Variants in LRRC7 observed in about 807,000 individuals in gnomAD.
LRRC7 encodes leucine-rich repeat-containing protein 7.
In LRRC7, 23 loss-of-function variants were observed where a neutral mutation model predicts 175.7. That is an observed-to-expected ratio of 0.13 (90% CI 0.09 to 0.19). The LOEUF (loss-of-function observed/expected upper bound fraction) is 0.19, where lower values mean the gene tolerates loss of function less well. Ranked by LOEUF, LRRC7 falls within the 10% of genes least tolerant of loss-of-function variation. The pLI is 1.00. For synonymous variants in LRRC7, 685 were observed against 680.9 expected, an observed-to-expected ratio of 1.01 and a Z score of -0.09; for missense variants, 1,354 against 1,904.7, an observed-to-expected ratio of 0.71 and a Z score of 5.38.
At chr1:69,938,191 A>C in intron 8 of LRRC7, among the ~76,000 whole-genome samples, 1 of 152,076 alleles carries the variant, frequency 6.6e-6, no homozygotes, top group Non-Finnish European at 1.5e-5. Flanking sequence ...TTCAGCAGGA[A>C]ATAAGTAGTG....
chr1:69,663,929 G>A (rs377285970), intron 1 of LRRC7, among the ~76,000 whole-genome samples: 1 of 150,842 alleles, frequency 6.6e-6, no homozygotes, highest in East Asian at 1.9e-4. Flanking sequence ...CACCTTGTTA[G>A]CCAGGATGGT....
chr1:69,653,841 A>G (rs1656215986), intron 1 of LRRC7, among the ~76,000 whole-genome samples: 1 of 152,122 alleles, frequency 6.6e-6, no homozygotes, highest in African/African-American at 2.4e-5. Context: ...TGTTATTCTA[A>G]GTGACATAAG....
chr1:70,000,915 T>C (rs1304878774), intron 11 of LRRC7, among the ~76,000 whole-genome samples: 1 of 152,208 alleles, frequency 6.6e-6, no homozygotes, highest in Non-Finnish European at 1.5e-5. Context: ...GATTTAAATA[T>C]ATCTTCCACA....
At chr1:70,093,664 C>G (rs1291761155) in intron 25 of LRRC7, among the ~76,000 whole-genome samples, 1 of 152,040 alleles carries the variant, frequency 6.6e-6, no homozygotes, top group Non-Finnish European at 1.5e-5. Flanking sequence ...CCTTGGGAGT[C>G]AGCATGTATT....
chr1:70,100,182 A>G (rs1664711536), intron 25 of LRRC7, among the ~76,000 whole-genome samples: 1 of 152,182 alleles, frequency 6.6e-6, no homozygotes, highest in Admixed American at 6.5e-5. Flanking sequence ...ACACAATTTT[A>G]GCACTTACGT....
intron 1 of LRRC7, among the ~76,000 whole-genome samples, chr1:69,597,422 T>G (rs953396933): frequency 1.3e-5 from 2 of 152,150 alleles, no homozygotes; most frequent in Non-Finnish European, 2.9e-5. Flanking sequence ...ATATGTTGCC[T>G]AAAACAAAAT....
rs1385404950 is a variant in LRRC7, at chr1:69,884,929, T to C, written c.648-46578T>C. Among the ~76,000 whole-genome samples the C allele has an allele frequency of 1.7e-3, 249 of 148,074 alleles. 1 individual carries two copies. Among genetic ancestry groups the C allele is most frequent in the African/African-American group, 5.8e-3 (224 of 38,776 alleles). On this transcript the variant is annotated intron_variant, in intron 7 of 26. Coordinates refer to ENST00000651989, the MANE Select transcript of LRRC7 (RefSeq NM_001370785.2). ...ATGCTGGATTACATTTATTGATTTG[T>C]GTATATTGAACCAGCCTTGCATCAC...
chr1:70,043,085 A>G (rs997035291), intron 21 of LRRC7, among the ~76,000 whole-genome samples: 1 of 152,094 alleles, frequency 6.6e-6, no homozygotes, highest in Non-Finnish European at 1.5e-5. Context: ...AGGAGATTGT[A>G]CTGTGCAAAC....
At chr1:69,914,708 G>T (rs750668772) in intron 7 of LRRC7, among the ~76,000 whole-genome samples, 1 of 152,084 alleles carries the variant, frequency 6.6e-6, no homozygotes, top group Non-Finnish European at 1.5e-5. Context: ...TTAAGAACAG[G>T]TATAGAATAG....
chr1:70,003,686 C>T (rs1030638307), intron 11 of LRRC7, among the ~76,000 whole-genome samples: 5 of 152,138 alleles, frequency 3.3e-5, no homozygotes, highest in African/African-American at 4.8e-5. Flanking sequence ...CTGCCTACTT[C>T]CTCCTCCACT....
rs192272089 is a variant in LRRC7, at chr1:69,774,855, C to G, written c.303+14462C>G. On this transcript the variant is annotated intron_variant, in intron 3 of 26. Coordinates refer to ENST00000651989, the MANE Select transcript of LRRC7 (RefSeq NM_001370785.2). Reference sequence around the variant, plus strand: ...AGTGCCATAATATGAAATAAATACACGATCTCTACAATTGATAGAAAAAGA... The same window carrying G: ...AGTGCCATAATATGAAATAAATACAGGATCTCTACAATTGATAGAAAAAGA... Among the ~76,000 whole-genome samples the G allele has an allele frequency of 2.7e-4, 41 of 150,870 alleles. No homozygotes were observed. In the East Asian group the frequency reaches 7.3e-3, roughly 27 times the overall value.
rs147854633 is a variant in LRRC7, at chr1:69,711,864, G to A, written c.100+33386G>A. ...ACTTTTGAGTAGCATGTCGGAGGCA[G>A]GTCAAACTGGAGTCAAATGCAGCTT... On this transcript the variant is annotated intron_variant, in intron 2 of 26. Coordinates refer to ENST00000651989, the MANE Select transcript of LRRC7 (RefSeq NM_001370785.2). Among the ~76,000 whole-genome samples, 255 of 152,284 alleles carry A rather than the reference G, an allele frequency of 1.7e-3. 1 individual carries two copies. Among genetic ancestry groups the A allele is most frequent in the Middle Eastern group, 6.8e-3 (2 of 294 alleles).
intron 2 of LRRC7, among the ~76,000 whole-genome samples, chr1:69,723,535 T>C (rs1666596957): frequency 6.6e-6 from 1 of 152,186 alleles, no homozygotes; most frequent in African/African-American, 2.4e-5. Flanking sequence ...AAATTATTAA[T>C]AAGAGAATTT....
intron 4 of LRRC7, among the ~76,000 whole-genome samples, chr1:69,797,137 G>A (rs563811919): frequency 6.6e-6 from 1 of 152,060 alleles, no homozygotes; most frequent in African/African-American, 2.4e-5. Flanking sequence ...TATATAATGT[G>A]TATTTAATTA....
At chr1:69,665,207 G>A (rs1658091575) in intron 1 of LRRC7, among the ~76,000 whole-genome samples, 1 of 152,090 alleles carries the variant, frequency 6.6e-6, no homozygotes, top group Non-Finnish European at 1.5e-5. Context: ...GTTTACTATA[G>A]CTCTGTAGTG....
intron 11 of LRRC7, among the ~76,000 whole-genome samples, 155 bp downstream of exon 11, chr1:69,994,788 G>A (rs1654773478): frequency 6.6e-6 from 1 of 151,928 alleles, no homozygotes; most frequent in Non-Finnish European, 1.5e-5. Context: ...ATATATATTT[G>A]TGTATATCTT....
intron 1 of LRRC7, among the ~76,000 whole-genome samples, chr1:69,609,414 AT>A (rs887677761): frequency 2.0e-5 from 3 of 152,100 alleles, no homozygotes; most frequent in Admixed American, 6.6e-5. Flanking sequence ...GTTTATCTTA[AT>A]TTTTTTCATA....
chr1:70,068,161 G>C (rs1209434375), intron 23 of LRRC7, among the ~76,000 whole-genome samples: 2 of 152,120 alleles, frequency 1.3e-5, no homozygotes, highest in Non-Finnish European at 2.9e-5. Context: ...AGAGTAGTGA[G>C]AGTGTACATT....
chr1:69,916,151 T>A (rs1236858460), intron 7 of LRRC7, among the ~76,000 whole-genome samples: 104 of 54,388 alleles, frequency 1.9e-3, no homozygotes, highest in African/African-American at 6.7e-3. Flanking sequence ...ATATATATAT[T>A]ATATACATAT....
Sources: allele counts gnomAD v4.1 joint callset (sites outside exome capture counted in the v4.1 genomes callset), GRCh38; gene constraint gnomAD v4.1.1; transcripts MANE v1.5; gene names NCBI Gene and HGNC (gene_info 2026-07-23, HGNC 2026-07-21).